The following NMNAT2 variants were observed in gnomAD, a reference collection of about 807,000 sequenced individuals.
NMNAT2 encodes nicotinamide nucleotide adenylyltransferase 2, also known as nicotinamide/nicotinic acid mononucleotide adenylyltransferase 2.
NMNAT2 carries 11 observed loss-of-function variants against 41.6 expected under a neutral mutation model. That is an observed-to-expected ratio of 0.26 (90% CI 0.17 to 0.44). NMNAT2 has a LOEUF of 0.44. NMNAT2 is among the 20% of genes least tolerant of loss of function. The pLI is 1.00. For missense variants in NMNAT2, 288 were observed against 407.7 expected, an observed-to-expected ratio of 0.71 and a Z score of 2.53; for synonymous variants, 148 against 151.2, an observed-to-expected ratio of 0.98 and a Z score of 0.16.
chr1:183,336,840 CTG>C (rs1662686544), intron 1 of NMNAT2, among the ~76,000 whole-genome samples: 1 of 152,142 alleles, frequency 6.6e-6, no homozygotes, highest in Non-Finnish European at 1.5e-5. Flanking sequence ...GAGAAATAAA[CTG>C]TGGTAGATTC....
chr1:183,295,595 A>G (rs1403459160), intron 1 of NMNAT2, among the ~76,000 whole-genome samples: 1 of 152,108 alleles, frequency 6.6e-6, no homozygotes, highest in Admixed American at 6.5e-5. Flanking sequence ...GTGGGTTTTG[A>G]CAATTGTATC....
chr1:183,251,585 G>A lies in NMNAT2; in HGVS notation c.*1056C>T, dbSNP rs1352582762. On this transcript the variant is annotated 3_prime_UTR_variant, in exon 11 of 11. Coordinates refer to ENST00000287713, the MANE Select transcript of NMNAT2 (RefSeq NM_015039.4). ...TGTGGTTGTTCTCAGGTACAGGAAT[G>A]TGTCTAAGCATGGCCTCCAAAGGTC... 6.6e-6 allele frequency: 1 copy of A among 152,616 alleles called. No homozygotes were observed. Among genetic ancestry groups the A allele is most frequent in the Non-Finnish European group, 1.5e-5 (1 of 68,166 alleles). The allele number at this position is 152,616 out of a possible 1,614,324, so 9.5% of individuals were successfully genotyped here. A position where few individuals can be genotyped will look rare whatever the true frequency, so the allele number is the denominator to read the frequency against.
intron 8 of NMNAT2, among the ~76,000 whole-genome samples, chr1:183,272,673 T>G (rs1267088644): frequency 6.6e-6 from 1 of 152,168 alleles, no homozygotes; most frequent in Non-Finnish European, 1.5e-5. Context: ...ACTGACTCAG[T>G]AGAGAGTGTG....
intron 1 of NMNAT2, among the ~76,000 whole-genome samples, chr1:183,391,853 C>T (rs1273541026): frequency 6.6e-6 from 1 of 152,186 alleles, no homozygotes; most frequent in Admixed American, 6.5e-5. Context: ...TGGCATTTGA[C>T]TTCCAGGGCA....
chr1:183,255,346 G>T (rs1660488276), intron 10 of NMNAT2, among the ~76,000 whole-genome samples: 1 of 152,162 alleles, frequency 6.6e-6, no homozygotes, highest in Non-Finnish European at 1.5e-5. Flanking sequence ...AAATGAAGAA[G>T]TGTGATGCCT....
chr1:183,407,832 AAAG>A (rs1302562375), intron 1 of NMNAT2, among the ~76,000 whole-genome samples: 4 of 152,254 alleles, frequency 2.6e-5, no homozygotes, highest in Non-Finnish European at 4.4e-5. Context: ...TATTACATTT[AAAG>A]AAGGAGGTAG....
At chr1:183,401,736 TA>T (rs1208019964) in intron 1 of NMNAT2, among the ~76,000 whole-genome samples, 1 of 151,832 alleles carries the variant, frequency 6.6e-6, no homozygotes, top group African/African-American at 2.4e-5. Context: ...TATGCAGCCA[TA>T]AAAAAGGATG....
At chr1:183,338,261 G>C (rs1662721549) in intron 1 of NMNAT2, among the ~76,000 whole-genome samples, 1 of 107,222 alleles carries the variant, frequency 9.3e-6, no homozygotes, top group South Asian at 3.2e-4. Context: ...TTCTTCAGAT[G>C]AATCAGGGTG....
chr1:183,345,984 C>T (rs917163724), intron 1 of NMNAT2, among the ~76,000 whole-genome samples: 6 of 152,158 alleles, frequency 3.9e-5, no homozygotes, highest in African/African-American at 1.4e-4. Flanking sequence ...TTGAGCCAGG[C>T]TAACATCCTT....
At chr1:183,405,859 G>T (rs965480152) in intron 1 of NMNAT2, among the ~76,000 whole-genome samples, 3 of 152,206 alleles carry the variant, frequency 2.0e-5, no homozygotes, top group Non-Finnish European at 4.4e-5. Flanking sequence ...TATTCCAAAG[G>T]CAGGATGTTA....
chr1:183,252,844 T>A, intron 10 of NMNAT2, 101 bp from the exon 11 acceptor site: 1 of 832,744 alleles, frequency 1.2e-6, no homozygotes, highest in Non-Finnish European at 2.0e-6. Flanking sequence ...TGTAGCCTTT[T>A]CTCAGGTTGA....
In NMNAT2 at chr1:183,249,840, T is replaced by C. The variant is rs578039163; in HGVS notation, c.*2801A>G. On this transcript the variant is annotated 3_prime_UTR_variant, in exon 11 of 11. Coordinates refer to ENST00000287713, the MANE Select transcript of NMNAT2 (RefSeq NM_015039.4). ...CCTGTTTTTAGTACAGTGCCTGTAA[T>C]CCACAAAGATAAGATCTGCCCCACT... 1 of 152,188 alleles carries C rather than the reference T, an allele frequency of 6.6e-6. No homozygotes were observed. The highest frequency in any genetic ancestry group is 1.9e-4 in the East Asian group (1 of 5,172). 9.4% of individuals were successfully genotyped at this position (152,188 alleles called of 1,614,324 possible). A position where few individuals can be genotyped will look rare whatever the true frequency, so the allele number is the denominator to read the frequency against.
chr1:183,340,321 C>CT lies in NMNAT2; in HGVS notation c.86-46529dup, dbSNP rs34610627. ...TCCTGGCACTGTTTCCCTGGGTTAGCTTTTTTTTTTTTTTTTTTTGAGATG... is the reference window on the plus strand; with the variant it reads ...TCCTGGCACTGTTTCCCTGGGTTAGCTTTTTTTTTTTTTTTTTTTTGAGATG... On this transcript the variant is annotated intron_variant, in intron 1 of 10. Transcript: ENST00000287713. Among the ~76,000 whole-genome samples, 736 of 114,760 alleles carry CT rather than the reference C, an allele frequency of 6.4e-3. 3 individuals are homozygous for CT. Among genetic ancestry groups the CT allele is most frequent in the Non-Finnish European group, 9.1e-3 (506 of 55,852 alleles). 75.3% of individuals were successfully genotyped at this position (114,760 alleles called of 152,430 possible).
At chr1:183,329,084 G>T (rs10911310) in intron 1 of NMNAT2, among the ~76,000 whole-genome samples, 1 of 151,868 alleles carries the variant, frequency 6.6e-6, no homozygotes. Flanking sequence ...ATACTGCAAG[G>T]GTTCCCTACA....
At chr1:183,313,140 C>T (rs944516667) in intron 1 of NMNAT2, among the ~76,000 whole-genome samples, 2 of 151,864 alleles carry the variant, frequency 1.3e-5, no homozygotes, top group Non-Finnish European at 2.9e-5. Flanking sequence ...TCAATTTAAC[C>T]GGAACAAATT....
Position 183,265,241 on chromosome 1 carries a change from CTCT to C in NMNAT2, c.652-3941_652-3939del, listed in dbSNP as rs1360548200. Among the ~76,000 whole-genome samples the C allele has an allele frequency of 5.5e-3, 742 of 134,184 alleles. 5 individuals are homozygous for C. Among genetic ancestry groups the C allele is most frequent in the African/African-American group, 0.015 (510 of 34,700 alleles). The allele number at this position is 134,184 out of a possible 152,430, so 88.0% of individuals were successfully genotyped here. ...ATAACCTTTTCCATAAATAGAAATT[CTCT>C]TCTTCTTCTTCTTCTTTTTTTTTTT... On this transcript the variant is annotated intron_variant, in intron 8 of 10. Coordinates refer to ENST00000287713, the MANE Select transcript of NMNAT2 (RefSeq NM_015039.4).
intron 6 of NMNAT2, among the ~76,000 whole-genome samples, chr1:183,284,323 G>A (rs1245321282): frequency 6.6e-6 from 1 of 152,246 alleles, no homozygotes. Flanking sequence ...CTCATGCTGA[G>A]CGCCTTCTGT....
intron 1 of NMNAT2, among the ~76,000 whole-genome samples, chr1:183,345,207 T>C (rs938406472): frequency 2.6e-5 from 4 of 152,148 alleles, no homozygotes; most frequent in African/African-American, 9.7e-5. Context: ...CTTGAAGTCA[T>C]CTTTGACTCT....
At chr1:183,263,297 G>A (rs191217411) in intron 8 of NMNAT2, among the ~76,000 whole-genome samples, 31 of 152,322 alleles carry the variant, frequency 2.0e-4, no homozygotes, top group Non-Finnish European at 3.8e-4. Context: ...GCATCTATTG[G>A]TGGTGTTCAG....
Sources: gnomAD v4.1 joint callset for allele counts (sites outside exome capture counted in the v4.1 genomes callset) on GRCh38, gnomAD v4.1.1 for gene constraint, MANE v1.5 for transcripts, NCBI Gene and HGNC (gene_info 2026-07-23, HGNC 2026-07-21) for gene names.